The following ASTN2 variants were observed in gnomAD, a reference collection of about 807,000 sequenced individuals.
ASTN2 encodes astrotactin-2.
A neutral mutation model predicts 139.8 loss-of-function variants in ASTN2; 54 were observed. The ratio of observed to expected loss-of-function variants is 0.39; its 90% CI spans 0.31 to 0.48. The LOEUF is 0.48. Ranked by LOEUF, ASTN2 falls within the 20% of genes least tolerant of loss-of-function variation. ASTN2 has a pLI of 0.95. For missense variants in ASTN2, 1,565 were observed against 1,725.1 expected (o/e 0.91, Z 1.64); for synonymous variants, 756 against 719.5 (o/e 1.05, Z -0.81).
intron 4 of ASTN2, among the ~76,000 whole-genome samples, chr9:117,102,711 G>A (rs568771163): frequency 2.0e-4 from 31 of 152,056 alleles, no homozygotes; most frequent in African/African-American, 6.5e-4. Flanking sequence ...TAATAGAGAC[G>A]GGGATTCACC....
At chr9:116,959,645 TA>T (rs1310439840) in intron 10 of ASTN2, among the ~76,000 whole-genome samples, 2 of 152,056 alleles carry the variant, frequency 1.3e-5, no homozygotes, top group East Asian at 3.9e-4. Context: ...GTTGTCACCA[TA>T]ACTCCCAGCT....
chr9:117,075,947 G>GAGA lies in ASTN2; in HGVS notation c.1276+20094_1276+20096dup, dbSNP rs1180706005. ...AGAGAGGTTCCTCCAGTCTCCTGAA[G>GAGA]AGACCTTCAGCAGGCATCCCACCAT... On this transcript the variant is annotated intron_variant, in intron 5 of 22. Transcript: ENST00000313400. Among the ~76,000 whole-genome samples, 7 of 152,144 alleles carry GAGA rather than the reference G, an allele frequency of 4.6e-5. No individual in the cohort carries two copies. The East Asian group carries it at 1.4e-3, about 29-fold the overall frequency.
At chr9:116,436,641 G>A (rs974173057) in intron 22 of ASTN2, among the ~76,000 whole-genome samples, 3 of 152,080 alleles carry the variant, frequency 2.0e-5, no homozygotes, top group East Asian at 1.9e-4. Flanking sequence ...GCAAATGGGC[G>A]GACATTTTAG....
At chr9:116,962,417 A>T (rs1835899361) in intron 10 of ASTN2, among the ~76,000 whole-genome samples, 2 of 152,170 alleles carry the variant, frequency 1.3e-5, no homozygotes, top group African/African-American at 4.8e-5. Context: ...ATAGGAACCA[A>T]ATCCCTCATT....
chr9:116,689,695 T>C lies in ASTN2; in HGVS notation c.2806+36076A>G, dbSNP rs527286297. Among the ~76,000 whole-genome samples the C allele has an allele frequency of 6.6e-5, 10 of 152,310 alleles. No individual in the cohort carries two copies. The East Asian group carries it at 1.9e-3, about 29-fold the overall frequency. On this transcript the variant is annotated intron_variant, in intron 16 of 22. Transcript: ENST00000313400. Reference sequence around the variant, plus strand: ...AGGATTGCCAGTGAGTATCACTGACTATCAGATTGAACTCTAAAGTTGGGG... The same window carrying C: ...AGGATTGCCAGTGAGTATCACTGACCATCAGATTGAACTCTAAAGTTGGGG...
At chr9:116,629,075 T>C (rs946597998) in intron 17 of ASTN2, among the ~76,000 whole-genome samples, 18 of 151,816 alleles carry the variant, frequency 1.2e-4, no homozygotes, top group African/African-American at 3.9e-4. Flanking sequence ...CTCCCAACAA[T>C]TTGCGGAGGC....
chr9:117,062,632 T>C (rs1839326431), intron 5 of ASTN2, among the ~76,000 whole-genome samples: 1 of 152,184 alleles, frequency 6.6e-6, no homozygotes, highest in South Asian at 2.1e-4. Context: ...AACAAGCCCT[T>C]AGCCATGCCC....
chr9:117,135,269 T>C (rs1829924296), intron 4 of ASTN2, among the ~76,000 whole-genome samples: 2 of 152,210 alleles, frequency 1.3e-5, no homozygotes, highest in African/African-American at 4.8e-5. Flanking sequence ...ACTGAAACTG[T>C]GTAAGCTTGA....
intron 2 of ASTN2, among the ~76,000 whole-genome samples, chr9:117,251,380 C>T (rs553134119): frequency 1.3e-5 from 2 of 151,684 alleles, no homozygotes; most frequent in East Asian, 3.9e-4. Flanking sequence ...TCATTTTTGT[C>T]TCATGATACT....
Position 117,414,974 on chromosome 9 carries a change from CGGT to C in ASTN2, c.-39_-37del. ...GCTGCGGTGCTGCGGGCGGCGGCGG[CGGT>C]GGCGGCGGTGGCGAAGGAGGAAGAG... On this transcript the variant is annotated 5_prime_UTR_variant, in exon 1 of 23. Transcript: ENST00000313400. The surrounding 1 kb of genome is among the most constrained non-coding windows in gnomAD (Gnocchi z 4.2). The C allele has an allele frequency of 4.9e-6, 1 of 203,982 alleles. No individual in the cohort carries two copies. Among genetic ancestry groups the C allele is most frequent in the Non-Finnish European group, 9.1e-6 (1 of 110,332 alleles). 12.6% of individuals were successfully genotyped at this position (203,982 alleles called of 1,614,324 possible).
chr9:116,925,728 G>T (rs1834734622), intron 10 of ASTN2, among the ~76,000 whole-genome samples: 1 of 151,934 alleles, frequency 6.6e-6, no homozygotes, highest in South Asian at 2.1e-4. Flanking sequence ...TGAACATATT[G>T]TAGGCTGTGA....
intron 21 of ASTN2, among the ~76,000 whole-genome samples, chr9:116,442,087 T>C (rs1360192252): frequency 6.6e-6 from 1 of 152,194 alleles, no homozygotes; most frequent in Non-Finnish European, 1.5e-5. Context: ...TTTGCTACTC[T>C]AGCAACGACA....
At chr9:116,591,201 C>A (rs1474923430) in intron 19 of ASTN2, among the ~76,000 whole-genome samples, 1 of 152,182 alleles carries the variant, frequency 6.6e-6, no homozygotes, top group Admixed American at 6.5e-5. Flanking sequence ...CCATGACGCC[C>A]TCTTTGGGGC....
At chr9:117,412,150 G>A (rs1182771564) in intron 1 of ASTN2, among the ~76,000 whole-genome samples, 1 of 152,132 alleles carries the variant, frequency 6.6e-6, no homozygotes, top group Non-Finnish European at 1.5e-5. Context: ...CACAGCTCCT[G>A]CTATACCCAG....
chr9:116,517,648 T>G (rs1036939022), intron 19 of ASTN2, among the ~76,000 whole-genome samples: 1 of 152,164 alleles, frequency 6.6e-6, no homozygotes, highest in African/African-American at 2.4e-5. Context: ...GGATCCAAAC[T>G]AAGACAACAT....
intron 1 of ASTN2, among the ~76,000 whole-genome samples, chr9:117,391,866 TC>T (rs1830550012): frequency 6.6e-6 from 1 of 152,102 alleles, no homozygotes; most frequent in South Asian, 2.1e-4. Context: ...ATACAGCCAT[TC>T]CAAATGGGAG....
At position 116,620,395 on chromosome 9, in the gene ASTN2, C is replaced by T; in HGVS notation, c.3121G>A (p.Asp1041Asn). Residue 1041 changes from aspartate (D) to asparagine (N), a missense_variant, in exon 18 of 23, where the codon GAT (aspartate) becomes AAT (asparagine). Physicochemically the swap from Asp to Asn is conservative, Grantham distance 23. This residue lies in a region of ASTN2 where 418 missense variants were observed against 465.8 expected (regional missense o/e 0.90). Coordinates refer to ENST00000313400, the MANE Select transcript of ASTN2 (RefSeq NM_001365068.1). ...MSSYWCSGKG[D>N]VIDDWCRCDL... The stretch of plus-strand genomic sequence containing the variant: ...CACCTGCACCAGTCATCGATCACAT[C>T]CCCTTTCCCTGAGCACCAGTAGGAA... 6.2e-7 allele frequency: 1 copy of T among 1,614,174 alleles called. No homozygotes were observed. Among genetic ancestry groups the T allele is most frequent in the Non-Finnish European group, 8.5e-7 (1 of 1,180,026 alleles).
rs577092797 is a variant in ASTN2, at chr9:117,414,915, G to A, written c.24C>T (p.Leu8=). 0.014 allele frequency: 7,506 copies of A among 550,286 alleles called. 72 individuals are homozygous for A. The highest frequency in any genetic ancestry group is 0.016 in the Non-Finnish European group (6,447 of 407,178). 34.1% of individuals were successfully genotyped at this position (550,286 alleles called of 1,614,324 possible). ...GGAGCCCCGAGCCGGGGCCGGGGCT[G>A]AGCCGGGCGCCGGCGGCGGCCATGG... is the stretch of plus-strand genomic sequence containing the variant. MAAAGAR[L]SPGPGSGLRG... The change falls in exon 1 of 23, where the codon CTC becomes CTT. Residue 8 remains leucine, a synonymous_variant. Transcript: ENST00000313400. The surrounding 1 kb of genome is among the most constrained non-coding windows in gnomAD (Gnocchi z 4.2).
At chr9:116,997,062 T>C (rs1198062999) in intron 7 of ASTN2, among the ~76,000 whole-genome samples, 2 of 152,182 alleles carry the variant, frequency 1.3e-5, no homozygotes, top group Non-Finnish European at 2.9e-5. Flanking sequence ...TGCAGCTTTG[T>C]GGTGTGAGAT....
Sources: gnomAD v4.1 joint callset for allele counts (sites outside exome capture counted in the v4.1 genomes callset) on GRCh38, gnomAD v4.1.1 for gene constraint, gnomAD v4.1.1 regional missense constraint, Gnocchi (gnomAD v3.1) non-coding constraint, MANE v1.5 for transcripts, NCBI Gene and HGNC (gene_info 2026-07-23, HGNC 2026-07-21) for gene names.